Variants in B3GNT3 observed in about 807,000 individuals in gnomAD.
The protein encoded by B3GNT3 is UDP-GlcNAc:betaGal beta-1,3-N-acetylglucosaminyltransferase 3, also known as N-acetyllactosaminide beta-1,3-N-acetylglucosaminyltransferase 3.
A neutral mutation model predicts 11.6 loss-of-function variants in B3GNT3; 7 were observed. The observed-to-expected ratio is 0.60, with a 90% CI of 0.34 to 1.13. The LOEUF is 1.13. Ranked by LOEUF, B3GNT3 falls within the 50% of genes most tolerant of loss-of-function variation. The pLI, the probability that B3GNT3 is intolerant of heterozygous loss-of-function variation, is 0.03. For missense variants in B3GNT3, 400 were observed against 507.4 expected, an observed-to-expected ratio of 0.79 and a Z score of 2.03; for synonymous variants, 201 against 222.1, an observed-to-expected ratio of 0.90 and a Z score of 0.85.
In B3GNT3 at chr19:17,811,502, G is replaced by A. The variant is rs45580833; in HGVS notation, c.568-69G>A. The A allele has an allele frequency of 0.051, 74,462 of 1,463,758 alleles. 2,166 individuals are homozygous for A. Among genetic ancestry groups the A allele is most frequent in the Non-Finnish European group, 0.059 (64,175 of 1,083,670 alleles). 90.7% of individuals were successfully genotyped at this position (1,463,758 alleles called of 1,614,324 possible). On this transcript the variant is annotated intron_variant, in intron 2 of 2. Transcript: ENST00000318683. This position sits in a 1 kb window ranked among gnomAD's most constrained non-coding sequence, Gnocchi z 4.1. Reference sequence around the variant, plus strand: ...TTTCCTGGGCTTAGTGGGCTGGAGTGGCTAATAGAGACCCAAGGCCAATTT... The same window carrying A: ...TTTCCTGGGCTTAGTGGGCTGGAGTAGCTAATAGAGACCCAAGGCCAATTT...
chr19:17,812,076 T>C lies in B3GNT3; in HGVS notation c.1073T>C (p.Leu358Pro). ...GAGATGCTGCTCATGTGGGATGCGC[T>C]GAACCAGCCCAACCTCACCTGCGGC... ...PYEMLLMWDALNQPNLTCGNQ... is the reference protein window; with the variant it reads ...PYEMLLMWDAPNQPNLTCGNQ... Residue 358 changes from leucine (L) to proline (P), a missense_variant, in exon 3 of 3, where the codon CTG (leucine) becomes CCG (proline). By Grantham distance (98) the Leu-to-Pro change is moderately conservative (BLOSUM62 -3). Transcript: ENST00000318683. The C allele has an allele frequency of 1.9e-6, 3 of 1,598,690 alleles. No homozygotes were observed. The highest frequency in any genetic ancestry group is 1.7e-6 in the Non-Finnish European group (2 of 1,179,816).
intron 1 of B3GNT3, among the ~76,000 whole-genome samples, chr19:17,803,241 G>C (rs2094168579): frequency 6.6e-6 from 1 of 152,110 alleles, no homozygotes; most frequent in Non-Finnish European, 1.5e-5. Context: ...CCTGACCTCA[G>C]GTGATCTGCC....
At position 17,812,509 on chromosome 19, in the gene B3GNT3, A is replaced by G. The variant is rs1210267160; in HGVS notation, c.*387A>G. 5 of 192,686 alleles carry G rather than the reference A, an allele frequency of 2.6e-5. No individual in the cohort carries two copies. Among genetic ancestry groups the G allele is most frequent in the Non-Finnish European group, 5.3e-5 (5 of 93,548 alleles). 11.9% of individuals were successfully genotyped at this position (192,686 alleles called of 1,614,324 possible). A position where few individuals can be genotyped will look rare whatever the true frequency, so the allele number is the denominator to read the frequency against. ...CACCTGCAGTGGTTTAATGGCAGAT[A>G]AGCTCCGTCTGCAGTTCCAGGCCAG... On this transcript the variant is annotated 3_prime_UTR_variant, in exon 3 of 3. Transcript: ENST00000318683.
chr19:17,803,338 T>G (rs1480209535), intron 1 of B3GNT3, among the ~76,000 whole-genome samples: 2 of 152,040 alleles, frequency 1.3e-5, no homozygotes, highest in Non-Finnish European at 2.9e-5. Flanking sequence ...CTGGAGCAGA[T>G]GAGTGAGGGC....
At chr19:17,806,769 C>A (rs1202833965) in intron 1 of B3GNT3, among the ~76,000 whole-genome samples, 1 of 151,772 alleles carries the variant, frequency 6.6e-6, no homozygotes, top group Non-Finnish European at 1.5e-5. Context: ...CTGGCCAACA[C>A]GGTGAAACCT....
In B3GNT3 at chr19:17,811,091, G is replaced by T. The variant is rs1179283369; in HGVS notation, c.568-480G>T. 1.3e-5 allele frequency among the ~76,000 whole-genome samples: 2 copies of T among 151,742 alleles called. No individual in the cohort carries two copies. The highest frequency in any genetic ancestry group is 1.5e-5 in the Non-Finnish European group (1 of 67,976). ...CAGGAGTAAGTAGCGGCATGTGTCTGTAGTACCAGCTACTTGGGAGGCTGA... is the reference window on the plus strand; with the variant it reads ...CAGGAGTAAGTAGCGGCATGTGTCTTTAGTACCAGCTACTTGGGAGGCTGA... On this transcript the variant is annotated intron_variant, in intron 2 of 2. Transcript: ENST00000318683. The surrounding 1 kb of genome is among the most constrained non-coding windows in gnomAD (Gnocchi z 4.1).
Position 17,808,166 on chromosome 19 carries a change from A to C in B3GNT3, c.359A>C (p.Tyr120Ser). The C allele has an allele frequency of 6.2e-7, 1 of 1,611,518 alleles. No individual in the cohort carries two copies. Among genetic ancestry groups the C allele is most frequent in the Non-Finnish European group, 8.5e-7 (1 of 1,178,606 alleles). Residue 120 changes from tyrosine to serine, a missense_variant, in exon 2 of 3, where the codon TAT (tyrosine) becomes TCT (serine). Transcript: ENST00000318683. ...LLVIKSSPSN[Y>S]VRRELLRRTW... The stretch of plus-strand genomic sequence containing the variant: ...GTGATCAAGTCCTCCCCTAGCAACT[A>C]TGTGCGCCGCGAGCTGCTGCGGCGC...
rs776080640 is a variant in B3GNT3 at position 17,808,168 on chromosome 19, G to A, written c.361G>A (p.Val121Met). ...GATCAAGTCCTCCCCTAGCAACTATGTGCGCCGCGAGCTGCTGCGGCGCAC... is the reference window on the plus strand; with the variant it reads ...GATCAAGTCCTCCCCTAGCAACTATATGCGCCGCGAGCTGCTGCGGCGCAC... ...LVIKSSPSNY[V>M]RRELLRRTWG... Residue 121 changes from valine to methionine, a missense_variant, in exon 2 of 3, where the codon GTG becomes ATG. Val to Met is a conservative substitution (Grantham distance 21). Transcript: ENST00000318683. The A allele has an allele frequency of 9.3e-6, 15 of 1,611,478 alleles. No homozygotes were observed. In the Admixed American group the frequency reaches 2.2e-4, roughly 23 times the overall value.
chr19:17,811,447 C>A lies in B3GNT3; in HGVS notation c.568-124C>A, dbSNP rs1364552962. 2.9e-6 allele frequency: 3 copies of A among 1,039,672 alleles called. No homozygotes were observed. The highest frequency in any genetic ancestry group is 4.1e-6 in the Non-Finnish European group (3 of 732,894). The allele number at this position is 1,039,672 out of a possible 1,614,324, so 64.4% of individuals were successfully genotyped here. Reference sequence around the variant, plus strand: ...CCCAAGTAACCCCACAGGGCAGGGCCTTAACCCAGGCTGGATTGTGGACAC... The same window carrying A: ...CCCAAGTAACCCCACAGGGCAGGGCATTAACCCAGGCTGGATTGTGGACAC... On this transcript the variant is annotated intron_variant, in intron 2 of 2. Coordinates refer to ENST00000318683, the MANE Select transcript of B3GNT3 (RefSeq NM_014256.4). The surrounding 1 kb of genome is among the most constrained non-coding windows in gnomAD (Gnocchi z 4.1).
chr19:17,796,493 G>A (rs572201321), intron 1 of B3GNT3, among the ~76,000 whole-genome samples: 420 of 152,316 alleles, frequency 2.8e-3, no homozygotes, highest in Non-Finnish European at 4.5e-3. Context: ...AGGGCCCATG[G>A]GAAGCCACCT....
chr19:17,805,645 A>T (rs1837431264), intron 1 of B3GNT3, among the ~76,000 whole-genome samples: 1 of 152,064 alleles, frequency 6.6e-6, no homozygotes. Flanking sequence ...GGGCCTTTGC[A>T]CATGCTCCAC....
intron 1 of B3GNT3, among the ~76,000 whole-genome samples, chr19:17,800,129 C>G (rs1291444184): frequency 6.6e-6 from 1 of 152,146 alleles, no homozygotes; most frequent in African/African-American, 2.4e-5. Context: ...AATCCCAGCA[C>G]TTTGGGAGGC....
chr19:17,802,414 G>T (rs1196286052), intron 1 of B3GNT3, among the ~76,000 whole-genome samples: 1 of 152,200 alleles, frequency 6.6e-6, no homozygotes, highest in Non-Finnish European at 1.5e-5. Context: ...GAGCACAGTT[G>T]CAGGAGATAA....
intron 1 of B3GNT3, among the ~76,000 whole-genome samples, chr19:17,796,505 G>A (rs1330759204): frequency 6.6e-6 from 1 of 152,194 alleles, no homozygotes; most frequent in Non-Finnish European, 1.5e-5. Context: ...AAGCCACCTG[G>A]CCGTCTAGGT....
intron 1 of B3GNT3, among the ~76,000 whole-genome samples, chr19:17,796,030 C>T (rs36692): frequency 0.66 from 100,386 of 151,988 alleles, 34,502 homozygotes; most frequent in African/African-American, 0.83. Flanking sequence ...TTCAGATTCA[C>T]TCCTGTTCCA....
At chr19:17,805,542 A>G (rs1457974234) in intron 1 of B3GNT3, among the ~76,000 whole-genome samples, 2 of 152,148 alleles carry the variant, frequency 1.3e-5, no homozygotes, top group African/African-American at 4.8e-5. Flanking sequence ...GCAGGGTCCC[A>G]TAACTCCACC....
At chr19:17,806,732 T>C (rs2094173414) in intron 1 of B3GNT3, among the ~76,000 whole-genome samples, 1 of 151,962 alleles carries the variant, frequency 6.6e-6, no homozygotes, top group African/African-American at 2.4e-5. Context: ...GGTGGGCAGA[T>C]CATGAGGTCA....
chr19:17,800,972 AATATATATATGTAT>A (rs2094165466), intron 1 of B3GNT3, among the ~76,000 whole-genome samples: 1 of 151,756 alleles, frequency 6.6e-6, no homozygotes, highest in Non-Finnish European at 1.5e-5. Context: ...CTCTATCTAA[AATATATATATGTAT>A]ATATATATAT....
intron 1 of B3GNT3, among the ~76,000 whole-genome samples, chr19:17,804,533 C>CT (rs67513010): frequency 0.36 from 20,139 of 55,862 alleles, 6,192 homozygotes; most frequent in East Asian, 0.75. Flanking sequence ...CCGTGCCCAG[C>CT]TTTTTTTTTT....
Sources: allele counts gnomAD v4.1 joint callset (sites outside exome capture counted in the v4.1 genomes callset), GRCh38; gene constraint gnomAD v4.1.1; non-coding constraint Gnocchi (gnomAD v3.1); transcripts MANE v1.5; gene names NCBI Gene and HGNC (gene_info 2026-07-23, HGNC 2026-07-21).